PKP4: variants seen among roughly 807,000 people sequenced by gnomAD.
PKP4 encodes the protein plakophilin 4.
In PKP4, 90 loss-of-function variants were observed where a neutral mutation model predicts 145.1. The ratio of observed to expected loss-of-function variants is 0.62; its 90% confidence interval spans 0.52 to 0.74. PKP4 has a LOEUF of 0.74. Among genes scored for constraint, PKP4 ranks in the 30% least tolerant of loss-of-function variants. The pLI, the probability that PKP4 is intolerant of heterozygous loss-of-function variation, is 0.00. For missense variants in PKP4, 1,340 were observed against 1,482.7 expected (o/e 0.90, Z 1.58); for synonymous variants, 563 against 577.2 (o/e 0.98, Z 0.35).
intron 2 of PKP4, chr2:158,549,197 TA>T: frequency 5.5e-6 from 1 of 183,436 alleles, no homozygotes; most frequent in Non-Finnish European, 1.2e-5. Flanking sequence ...GGGCAAACGC[TA>T]AAGGACTTGC....
At chr2:158,590,312 AGTGTGTGTGTGT>A (rs57003090) in intron 3 of PKP4, among the ~76,000 whole-genome samples, 11,188 of 124,174 alleles carry the variant, frequency 0.09, 538 homozygotes, top group Middle Eastern at 0.18. Flanking sequence ...GAATGTCTTG[AGTGTGTGTGTGT>A]GTGTGTGTGT....
At chr2:158,495,257 A>ATT (rs1462881767) in intron 1 of PKP4, among the ~76,000 whole-genome samples, 7 of 151,634 alleles carry the variant, frequency 4.6e-5, no homozygotes, top group African/African-American at 1.7e-4. Context: ...TTTTTCACAG[A>ATT]TTAGGCTGAC....
At chr2:158,567,905 A>G (rs184445638) in intron 2 of PKP4, among the ~76,000 whole-genome samples, 1 of 152,216 alleles carries the variant, frequency 6.6e-6, no homozygotes, top group Non-Finnish European at 1.5e-5. Flanking sequence ...AAGGAATGGG[A>G]TAAGAGAAAG....
intron 1 of PKP4, among the ~76,000 whole-genome samples, chr2:158,480,130 C>T (rs1693118294): frequency 6.6e-6 from 1 of 152,168 alleles, no homozygotes; most frequent in Non-Finnish European, 1.5e-5. Flanking sequence ...AAGTCAGTGC[C>T]AACTCACAGG....
intron 19 of PKP4, 28 bp downstream of exon 19, chr2:158,674,028 G>A (rs200642029): frequency 2.5e-5 from 30 of 1,197,460 alleles, no homozygotes; most frequent in Admixed American, 5.0e-5. Context: ...ACTCCTTGGC[G>A]AGAACCTTTG....
chr2:158,661,256 G>C lies in PKP4; in HGVS notation c.2094-77G>C, dbSNP rs940021888. On this transcript the variant is annotated intron_variant, in intron 12 of 21. Coordinates refer to ENST00000389759, the MANE Select transcript of PKP4 (RefSeq NM_003628.6). ...CTGCCACCTGTTGTTCGCTCTCTCA[G>C]ATCCTTAAGGTTAAGTCCACGTGGC... 4 of 1,072,470 alleles carry C rather than the reference G, an allele frequency of 3.7e-6. No homozygotes were observed. In the African/African-American group the frequency reaches 6.2e-5, roughly 17 times the overall value. The allele number at this position is 1,072,470 out of a possible 1,614,324, so 66.4% of individuals were successfully genotyped here. A position where few individuals can be genotyped will look rare whatever the true frequency, so the allele number is the denominator to read the frequency against.
At position 158,680,966 on chromosome 2, in the gene PKP4, G is replaced by T. The variant is rs2058394842; in HGVS notation, c.*289G>T. Reference sequence around the variant, plus strand: ...TTTGAGAAATGGGTGAAATGAAATGGGGGATATGTAGGTCAAATCAAATTA... The same window carrying T: ...TTTGAGAAATGGGTGAAATGAAATGTGGGATATGTAGGTCAAATCAAATTA... On this transcript the variant is annotated 3_prime_UTR_variant, in exon 22 of 22. Transcript: ENST00000389759. 3 of 312,556 alleles carry T rather than the reference G, an allele frequency of 9.6e-6. No homozygotes were observed. The highest frequency in any genetic ancestry group is 1.8e-5 in the Non-Finnish European group (3 of 170,506). The allele number at this position is 312,556 out of a possible 1,614,324, so 19.4% of individuals were successfully genotyped here.
Position 158,676,720 on chromosome 2 carries a change from C to T in PKP4, c.3128-19C>T, listed in dbSNP as rs763421892. The T allele has an allele frequency of 7.4e-6, 12 of 1,613,982 alleles. No homozygotes were observed. In the African/African-American group the frequency reaches 1.6e-4, roughly 22 times the overall value. ...CTCTTTCTACCCCTCTTTCTCTCCT[C>T]CTTTGCCTCTCCCTTCAGTCGGCAG... On this transcript the variant is annotated intron_variant, in intron 19 of 21. Coordinates refer to ENST00000389759, the MANE Select transcript of PKP4 (RefSeq NM_003628.6).
intron 11 of PKP4, among the ~76,000 whole-genome samples, chr2:158,645,856 C>T (rs2054775608): frequency 6.6e-6 from 1 of 152,134 alleles, no homozygotes. Flanking sequence ...TGATTGTGTG[C>T]TCTTTTTTTG....
intron 1 of PKP4, among the ~76,000 whole-genome samples, chr2:158,521,703 C>T (rs2042385985): frequency 6.6e-6 from 1 of 152,148 alleles, no homozygotes; most frequent in South Asian, 2.1e-4. Flanking sequence ...ATACCATATG[C>T]TCCTGAAGAT....
chr2:158,483,018 C>T (rs1446077263), intron 1 of PKP4, among the ~76,000 whole-genome samples: 1 of 152,102 alleles, frequency 6.6e-6, no homozygotes, highest in Non-Finnish European at 1.5e-5. Flanking sequence ...ATATTTATGG[C>T]TAGGTCCTGA....
Position 158,606,644 on chromosome 2 carries a change from G to GT in PKP4, c.280+3547dup, listed in dbSNP as rs1329093427. On this transcript the variant is annotated intron_variant, in intron 4 of 21. Transcript: ENST00000389759. ...TCTGTGCATTTGTGTGTTACATACA[G>GT]TTTTTTTACCTTTTGAGAGAAATGG... is the stretch of plus-strand genomic sequence containing the variant. Among the ~76,000 whole-genome samples the GT allele has an allele frequency of 5.9e-5, 9 of 152,228 alleles. No homozygotes were observed. The South Asian group carries it at 6.2e-4, about 11-fold the overall frequency.
chr2:158,501,979 G>A (rs779990256), intron 1 of PKP4, among the ~76,000 whole-genome samples: 2 of 152,136 alleles, frequency 1.3e-5, no homozygotes, highest in Admixed American at 6.6e-5. Context: ...ATCAGGCAGT[G>A]TCTGAACAGT....
intron 1 of PKP4, among the ~76,000 whole-genome samples, chr2:158,471,656 T>C (rs1691589901): frequency 6.6e-6 from 1 of 152,228 alleles, no homozygotes; most frequent in Non-Finnish European, 1.5e-5. Flanking sequence ...CAACTAAATA[T>C]CAGTGAATGC....
intron 1 of PKP4, among the ~76,000 whole-genome samples, chr2:158,494,780 T>A (rs1695439137): frequency 6.6e-6 from 1 of 152,288 alleles, no homozygotes; most frequent in Admixed American, 6.5e-5. Context: ...ATTTAAACTG[T>A]TTTGAGCCTA....
intron 1 of PKP4, among the ~76,000 whole-genome samples, chr2:158,481,917 A>G (rs1479462911): frequency 3.9e-5 from 6 of 152,226 alleles, no homozygotes; most frequent in Non-Finnish European, 8.8e-5. Context: ...AAATGGTGCC[A>G]AATTATTTTA....
intron 9 of PKP4, among the ~76,000 whole-genome samples, chr2:158,638,604 T>A (rs200584554): frequency 6.6e-6 from 1 of 152,140 alleles, no homozygotes; most frequent in African/African-American, 2.4e-5. Flanking sequence ...AGTTTTTAGA[T>A]CATCTGGCTG....
At chr2:158,646,404 A>C (rs2054830744) in intron 11 of PKP4, among the ~76,000 whole-genome samples, 1 of 152,240 alleles carries the variant, frequency 6.6e-6, no homozygotes, top group African/African-American at 2.4e-5. Context: ...CAAAAAGCCA[A>C]ATGGCAGCTG....
chr2:158,550,590 G>A (rs1370597479), intron 2 of PKP4, among the ~76,000 whole-genome samples: 2 of 152,174 alleles, frequency 1.3e-5, no homozygotes, highest in Non-Finnish European at 2.9e-5. Flanking sequence ...AGCAAAGGTG[G>A]CAACTTGGGA....
Sources: gnomAD v4.1 joint callset for allele counts (sites outside exome capture counted in the v4.1 genomes callset) on GRCh38, gnomAD v4.1.1 for gene constraint, MANE v1.5 for transcripts, NCBI Gene and HGNC (gene_info 2026-07-23, HGNC 2026-07-21) for gene names.